The following KHDRBS1 variants were observed in gnomAD, a reference collection of about 807,000 sequenced individuals.
KHDRBS1 encodes KH domain-containing, RNA-binding, signal transduction-associated protein 1.
In KHDRBS1, 7 loss-of-function variants were observed where a neutral mutation model predicts 48.4. The observed-to-expected ratio is 0.14, with a 90% CI of 0.08 to 0.27. KHDRBS1 has a LOEUF of 0.27. KHDRBS1 is among the 10% of genes least tolerant of loss of function. KHDRBS1 has a pLI of 1.00. For synonymous variants in KHDRBS1, 241 were observed against 235.8 expected, an observed-to-expected ratio of 1.02 and a Z score of -0.20; for missense variants, 458 against 601.2, an observed-to-expected ratio of 0.76 and a Z score of 2.49.
chr1:32,034,504 A>T (rs1294581004), intron 4 of KHDRBS1, among the ~76,000 whole-genome samples: 1 of 151,438 alleles, frequency 6.6e-6, no homozygotes, highest in Non-Finnish European at 1.5e-5. Flanking sequence ...AGGTTGCGGT[A>T]AGCTGAGATT....
At chr1:32,056,299 CG>C in intron 10 of KHDRBS1, among the ~76,000 whole-genome samples, 1 of 101,756 alleles carries the variant, frequency 9.8e-6, no homozygotes, top group South Asian at 3.4e-4. Context: ...GGGGTGGGGG[CG>C]GGGGTTGTCC....
Position 32,032,332 on chromosome 1 carries a change from CAT to C in KHDRBS1, c.624+693_624+694del, listed in dbSNP as rs910412187. Among the ~76,000 whole-genome samples, 17 of 152,272 alleles carry C rather than the reference CAT, an allele frequency of 1.1e-4. 1 individual carries two copies. Among genetic ancestry groups the C allele is most frequent in the African/African-American group, 3.4e-4 (14 of 41,528 alleles). ...CTCCTTTTATGTAGTCTAATGGACA[CAT>C]GTTTGTTTTCTCAGGTCATTTCTTG... On this transcript the variant is annotated intron_variant, in intron 3 of 8. Transcript: ENST00000327300.
At chr1:32,017,494 A>G (rs1046783141) in intron 1 of KHDRBS1, among the ~76,000 whole-genome samples, 1 of 151,762 alleles carries the variant, frequency 6.6e-6, no homozygotes, top group African/African-American at 2.4e-5. Flanking sequence ...TAAGGATTCA[A>G]TCATCTATCT....
chr1:32,019,894 C>T (rs1050149371), intron 1 of KHDRBS1, among the ~76,000 whole-genome samples: 1 of 152,074 alleles, frequency 6.6e-6, no homozygotes, highest in African/African-American at 2.4e-5. Flanking sequence ...GCCTCAGCCT[C>T]CCGAGTAGGT....
intron 10 of KHDRBS1, among the ~76,000 whole-genome samples, chr1:32,055,266 G>A (rs1200898917): frequency 6.6e-6 from 1 of 152,090 alleles, no homozygotes; most frequent in Non-Finnish European, 1.5e-5. Context: ...TGGCCAACAT[G>A]GTGAAACCCC....
intron 8 of KHDRBS1, among the ~76,000 whole-genome samples, chr1:32,040,622 CAA>C: frequency 6.6e-6 from 1 of 152,308 alleles, no homozygotes; most frequent in Middle Eastern, 3.4e-3. Flanking sequence ...AGTGTGTCCT[CAA>C]GAGCCAGTTA....
chr1:32,055,643 G>A (rs1194859895), intron 10 of KHDRBS1, among the ~76,000 whole-genome samples: 2 of 152,146 alleles, frequency 1.3e-5, no homozygotes, highest in Non-Finnish European at 2.9e-5. Flanking sequence ...AGGAGGAAGT[G>A]CACAACACTG....
chr1:32,031,703 A>G (rs1323617867), intron 3 of KHDRBS1, 63 bp downstream of exon 3: 3 of 1,052,314 alleles, frequency 2.9e-6, no homozygotes, highest in South Asian at 1.5e-5. Context: ...AGAATGCAGT[A>G]TGGATGTCTT....
intron 1 of KHDRBS1, among the ~76,000 whole-genome samples, chr1:32,024,057 GC>G (rs1337550522): frequency 6.6e-6 from 1 of 152,156 alleles, no homozygotes; most frequent in Non-Finnish European, 1.5e-5. Context: ...TTGAAGACCA[GC>G]CTGGCCAACA....
chr1:32,024,291 T>C (rs1638918847), intron 1 of KHDRBS1, among the ~76,000 whole-genome samples: 1 of 151,606 alleles, frequency 6.6e-6, no homozygotes, highest in South Asian at 2.1e-4. Context: ...GGCCTGAGTT[T>C]GGGGGTTTTC....
intron 2 of KHDRBS1, among the ~76,000 whole-genome samples, chr1:32,030,946 G>GT (rs1639069993): frequency 6.6e-6 from 1 of 151,676 alleles, no homozygotes; most frequent in Non-Finnish European, 1.5e-5. Flanking sequence ...CCTTAAAAAT[G>GT]TTGATGTATG....
intron 10 of KHDRBS1, chr1:32,060,016 G>A (rs1639526727): frequency 6.6e-6 from 1 of 152,178 alleles, no homozygotes; most frequent in African/African-American, 2.4e-5. Context: ...ACCCATCTGT[G>A]TACCCAAGAA....
At chr1:32,032,004 C>T (rs1024013118) in intron 3 of KHDRBS1, among the ~76,000 whole-genome samples, 2 of 152,102 alleles carry the variant, frequency 1.3e-5, no homozygotes, top group Non-Finnish European at 2.9e-5. Context: ...AGCACACCCC[C>T]TTTTTTGTAA....
At chr1:32,024,447 A>G (rs1013660342) in intron 1 of KHDRBS1, among the ~76,000 whole-genome samples, 4 of 151,830 alleles carry the variant, frequency 2.6e-5, no homozygotes, top group Admixed American at 6.6e-5. Context: ...AGTAACTGGG[A>G]CAACAGTTGT....
chr1:32,048,334 C>G (rs757751455), downstream of KHDRBS1, among the ~76,000 whole-genome samples: 5 of 152,164 alleles, frequency 3.3e-5, no homozygotes, highest in Non-Finnish European at 7.3e-5. Context: ...ATAGCAGACT[C>G]TGTCTCTACA....
intron 10 of KHDRBS1, among the ~76,000 whole-genome samples, chr1:32,050,430 A>G (rs955371756): frequency 8.5e-5 from 13 of 152,054 alleles, no homozygotes; most frequent in African/African-American, 2.7e-4. Context: ...ATAGGTAATA[A>G]ACTATTGTCT....
downstream of KHDRBS1, among the ~76,000 whole-genome samples, chr1:32,044,882 C>G (rs556848884): frequency 5.3e-5 from 8 of 152,294 alleles, no homozygotes; most frequent in African/African-American, 1.9e-4. Context: ...GTGACAGCAA[C>G]TTGCATAAAC....
intron 8 of KHDRBS1, among the ~76,000 whole-genome samples, chr1:32,041,583 C>CAT (rs1553224036): frequency 2.6e-5 from 2 of 75,582 alleles, no homozygotes; most frequent in Non-Finnish European, 4.9e-5. Flanking sequence ...AGGAATTATC[C>CAT]TTTTTTTTTT....
At chr1:32,034,466 G>C (rs981908499) in intron 4 of KHDRBS1, among the ~76,000 whole-genome samples, 2 of 151,756 alleles carry the variant, frequency 1.3e-5, no homozygotes, top group Non-Finnish European at 2.9e-5. Context: ...AGGCTGAGGC[G>C]GGAGAATCAC....
Sources: gnomAD v4.1 joint callset for allele counts (sites outside exome capture counted in the v4.1 genomes callset) on GRCh38, gnomAD v4.1.1 for gene constraint, MANE v1.5 for transcripts, NCBI Gene and HGNC (gene_info 2026-07-23, HGNC 2026-07-21) for gene names.